GPC6: variants seen among roughly 807,000 people sequenced by gnomAD.
GPC6 encodes the protein glypican-6.
A neutral mutation model predicts 55.2 loss-of-function variants in GPC6; 14 were observed. That is an observed-to-expected ratio of 0.25 (90% confidence interval 0.17 to 0.40). The LOEUF (loss-of-function observed/expected upper bound fraction) is 0.40. GPC6 is among the 10% of genes least tolerant of loss of function. The pLI, the probability that GPC6 is intolerant of heterozygous loss-of-function variation, is 1.00. For synonymous variants in GPC6, 278 were observed against 259.6 expected (o/e 1.07, Z -0.68); for missense variants, 641 against 708.5 (o/e 0.90, Z 1.08).
chr13:94,152,816 G>T (rs181972946), intron 4 of GPC6, among the ~76,000 whole-genome samples: 1 of 151,970 alleles, frequency 6.6e-6, no homozygotes, highest in Non-Finnish European at 1.5e-5. Context: ...ATTTTTAAAC[G>T]GGAGCTTTTT....
At chr13:93,582,765 G>T (rs535522768) in intron 2 of GPC6, among the ~76,000 whole-genome samples, 1 of 152,284 alleles carries the variant, frequency 6.6e-6, no homozygotes, top group South Asian at 2.1e-4. Context: ...CCTTAGTACA[G>T]AATTGCATTT....
intron 2 of GPC6, among the ~76,000 whole-genome samples, chr13:93,547,034 C>A (rs182963311): frequency 1.3e-3 from 200 of 152,026 alleles, no homozygotes; most frequent in Admixed American, 3.2e-3. Context: ...TAAAGCAATT[C>A]ACCAAGACTG....
At chr13:93,801,997 T>G (rs2138938701) in intron 2 of GPC6, among the ~76,000 whole-genome samples, 1 of 152,318 alleles carries the variant, frequency 6.6e-6, no homozygotes, top group Non-Finnish European at 1.5e-5. Flanking sequence ...GTTTCTCTTT[T>G]AATTGTTTCA....
At chr13:93,640,610 A>G (rs1879872300) in intron 2 of GPC6, among the ~76,000 whole-genome samples, 1 of 152,066 alleles carries the variant, frequency 6.6e-6, no homozygotes, top group Non-Finnish European at 1.5e-5. Flanking sequence ...GAGGCACTAT[A>G]TAGCCACTTG....
intron 6 of GPC6, among the ~76,000 whole-genome samples, chr13:94,333,130 G>A (rs766081696): frequency 2.6e-5 from 4 of 152,192 alleles, no homozygotes; most frequent in Non-Finnish European, 5.9e-5. Flanking sequence ...GAGCCAGGAA[G>A]TCTTGTGAGC....
chr13:94,113,336 A>G (rs979486621), intron 4 of GPC6, among the ~76,000 whole-genome samples: 1 of 151,878 alleles, frequency 6.6e-6, no homozygotes, highest in Non-Finnish European at 1.5e-5. Context: ...CTCAGGAGCC[A>G]AAAAAAAGTT....
At position 93,265,839 on chromosome 13, in the gene GPC6, C is replaced by G. The variant is rs184970252; in HGVS notation, c.160+38223C>G. On this transcript the variant is annotated intron_variant, in intron 1 of 8. Coordinates refer to ENST00000377047, the MANE Select transcript of GPC6 (RefSeq NM_005708.5). ...TTTTCAGTTTTGCCCAGGTTGGCCTCGAACGCATAGCCTTGCCTCCTTATG... is the reference window on the plus strand; with the variant it reads ...TTTTCAGTTTTGCCCAGGTTGGCCTGGAACGCATAGCCTTGCCTCCTTATG... Among the ~76,000 whole-genome samples the G allele has an allele frequency of 9.1e-4, 136 of 149,978 alleles. 1 individual carries two copies. Among genetic ancestry groups the G allele is most frequent in the African/African-American group, 3.2e-3 (129 of 40,684 alleles).
chr13:93,233,344 CA>C (rs199803814), intron 1 of GPC6, among the ~76,000 whole-genome samples: 125 of 125,934 alleles, frequency 9.9e-4, no homozygotes, highest in Middle Eastern at 4.2e-3. Flanking sequence ...AGTTAGTAGC[CA>C]AAAAAAAAAA....
chr13:93,421,188 C>T (rs1566347811), intron 1 of GPC6, among the ~76,000 whole-genome samples: 2 of 152,058 alleles, frequency 1.3e-5, no homozygotes, highest in East Asian at 3.9e-4. Context: ...GGCAAATGGG[C>T]ATGGAGAGAG....
intron 7 of GPC6, among the ~76,000 whole-genome samples, chr13:94,393,754 C>T (rs927142952): frequency 6.6e-6 from 1 of 152,096 alleles, no homozygotes; most frequent in African/African-American, 2.4e-5. Flanking sequence ...CTTCTCAGAC[C>T]TACTGGCTTT....
chr13:93,353,034 G>A (rs1488271054), intron 1 of GPC6, among the ~76,000 whole-genome samples: 1 of 152,094 alleles, frequency 6.6e-6, no homozygotes, highest in African/African-American at 2.4e-5. Flanking sequence ...TACAGGCCAA[G>A]GTGTTAACAA....
At chr13:93,944,170 T>TTTTA (rs140286554) in intron 3 of GPC6, among the ~76,000 whole-genome samples, 4,854 of 144,902 alleles carry the variant, frequency 0.033, 114 homozygotes, top group Admixed American at 0.052. Flanking sequence ...CTTCCTTTTA[T>TTTTA]TTTATTTATT....
chr13:93,584,010 A>T (rs1877071393), intron 2 of GPC6, among the ~76,000 whole-genome samples: 1 of 152,180 alleles, frequency 6.6e-6, no homozygotes, highest in South Asian at 2.1e-4. Context: ...ATGGCCGCAT[A>T]AAGTTGGAAA....
chr13:93,452,600 T>C (rs923844597), intron 1 of GPC6, among the ~76,000 whole-genome samples: 1 of 152,354 alleles, frequency 6.6e-6, no homozygotes, highest in Middle Eastern at 3.4e-3. Flanking sequence ...CTTGTCTTTT[T>C]GTTTATACTA....
chr13:94,288,596 C>CAGCTCCTTGAGTATACTTGT (rs1450187183), intron 5 of GPC6, among the ~76,000 whole-genome samples: 1 of 140,152 alleles, frequency 7.1e-6, no homozygotes, highest in Non-Finnish European at 1.5e-5. Flanking sequence ...CTCTCTCTCT[C>CAGCTCCTTGAGTATACTTGT]AGCTCCTTGA....
chr13:93,795,912 T>G (rs1426545506), intron 2 of GPC6, among the ~76,000 whole-genome samples: 2 of 152,058 alleles, frequency 1.3e-5, no homozygotes, highest in Non-Finnish European at 2.9e-5. Flanking sequence ...TGATTTTGAT[T>G]TTTCTTAAGG....
At chr13:94,378,568 A>G (rs1258103376) in intron 6 of GPC6, among the ~76,000 whole-genome samples, 1 of 152,166 alleles carries the variant, frequency 6.6e-6, no homozygotes, top group Non-Finnish European at 1.5e-5. Flanking sequence ...TTAAACTAAG[A>G]GTGTTTGTCT....
chr13:93,385,728 C>T (rs909837873), intron 1 of GPC6, among the ~76,000 whole-genome samples: 2 of 152,016 alleles, frequency 1.3e-5, no homozygotes, highest in African/African-American at 2.4e-5. Context: ...TGCTTTCTCC[C>T]CAGATTTTGT....
intron 1 of GPC6, among the ~76,000 whole-genome samples, chr13:93,381,573 C>T (rs1334646741): frequency 6.6e-6 from 1 of 152,138 alleles, no homozygotes; most frequent in African/African-American, 2.4e-5. Context: ...CAACATGTCT[C>T]ACTGAGGCAT....
Sources: allele counts gnomAD v4.1 joint callset (sites outside exome capture counted in the v4.1 genomes callset), GRCh38; gene constraint gnomAD v4.1.1; transcripts MANE v1.5; gene names NCBI Gene and HGNC (gene_info 2026-07-23, HGNC 2026-07-21).